Variants in OR2C1 observed in about 807,000 individuals in gnomAD.
OR2C1 encodes the protein olfactory receptor 2C1.
For synonymous variants in OR2C1, 209 were observed against 167.3 expected, an observed-to-expected ratio of 1.25 and a Z score of -1.92; for missense variants, 468 against 388.3, an observed-to-expected ratio of 1.21 and a Z score of -1.73.
the OR2C1 span, among the ~76,000 whole-genome samples, chr16:3,325,212 C>T: frequency 6.6e-6 from 1 of 151,968 alleles, no homozygotes; most frequent in Non-Finnish European, 1.5e-5. Context: ...GAACTCCTGG[C>T]CTCAACCGAT....
At chr16:3,355,473 G>A (rs1358776914), upstream of OR2C1, among the ~76,000 whole-genome samples, 263 of 25,534 alleles carry the variant, frequency 0.01, no homozygotes, top group South Asian at 0.012. Flanking sequence ...AAAAAAAAAA[G>A]CTTGCAATCT....
chr16:3,357,707 T>C (rs2030705806), downstream of OR2C1, among the ~76,000 whole-genome samples: 2 of 152,064 alleles, frequency 1.3e-5, no homozygotes, highest in Admixed American at 1.3e-4. Flanking sequence ...TACCACTGGG[T>C]GCAGTGGCTC....
At chr16:3,333,785 G>A in the OR2C1 span, among the ~76,000 whole-genome samples, 5 of 152,090 alleles carry the variant, frequency 3.3e-5, no homozygotes, top group South Asian at 2.1e-4. Flanking sequence ...CAATGTCCTG[G>A]AGCATTTTCC....
At chr16:3,329,370 C>T in the OR2C1 span, among the ~76,000 whole-genome samples, 6 of 151,586 alleles carry the variant, frequency 4.0e-5, no homozygotes, top group African/African-American at 7.3e-5. Flanking sequence ...AAGAACACCA[C>T]GAAAAGAGTT....
upstream of OR2C1, among the ~76,000 whole-genome samples, chr16:3,353,848 G>A (rs1243448067): frequency 6.6e-6 from 1 of 151,990 alleles, no homozygotes; most frequent in African/African-American, 2.4e-5. Flanking sequence ...GGGAAGGGCT[G>A]TGGTTTATGA....
At chr16:3,351,015 A>G (rs1353984985), upstream of OR2C1, among the ~76,000 whole-genome samples, 1 of 146,606 alleles carries the variant, frequency 6.8e-6, no homozygotes, top group East Asian at 2.0e-4. Flanking sequence ...AGCCTGGGTG[A>G]CACAGTGAGA....
At chr16:3,326,845 A>C in the OR2C1 span, among the ~76,000 whole-genome samples, 4 of 152,154 alleles carry the variant, frequency 2.6e-5, no homozygotes, top group Admixed American at 2.0e-4. Context: ...CTTAGGATGA[A>C]ATCAGCATCA....
chr16:3,345,446 A>C, the OR2C1 span, among the ~76,000 whole-genome samples: 1 of 151,960 alleles, frequency 6.6e-6, no homozygotes, highest in African/African-American at 2.4e-5. Context: ...AGATCGCAGC[A>C]CTGCACTCCA....
upstream of OR2C1, among the ~76,000 whole-genome samples, chr16:3,353,796 A>G (rs1035772905): frequency 1.3e-5 from 2 of 151,634 alleles, no homozygotes; most frequent in Non-Finnish European, 2.9e-5. Context: ...GCTAGACTCC[A>G]TCTCAAAAAA....
At chr16:3,343,395 C>G in the OR2C1 span, among the ~76,000 whole-genome samples, 1 of 152,130 alleles carries the variant, frequency 6.6e-6, no homozygotes, top group Non-Finnish European at 1.5e-5. Context: ...TGTCTAGCCT[C>G]TGTATTATTT....
In OR2C1 at chr16:3,356,004, C is replaced by T. The variant is rs1489833971; in HGVS notation, c.64C>T (p.Gln22Ter). ...FVLMGISDHP[Q>*]LEMIFFIAIL... Reference sequence around the variant, plus strand: ...TCTGATGGGCATATCAGACCATCCCCAGCTGGAGATGATCTTTTTTATAGC... The same window carrying T: ...TCTGATGGGCATATCAGACCATCCCTAGCTGGAGATGATCTTTTTTATAGC... The change falls in exon 1 of 1, where the codon CAG becomes TAG. Residue 22 changes from glutamine (Q) to a stop codon, truncating the protein, a stop_gained. Coordinates refer to ENST00000304936, the MANE Select transcript of OR2C1 (RefSeq NM_012368.3). LOFTEE classifies it low-confidence loss of function (END_TRUNC). The T allele has an allele frequency of 5.0e-6, 8 of 1,614,008 alleles. No individual in the cohort carries two copies. In the South Asian group the frequency reaches 8.8e-5, roughly 18 times the overall value.
upstream of OR2C1, among the ~76,000 whole-genome samples, chr16:3,351,226 CTTTTTTTTT>C (rs146153498): frequency 7.5e-5 from 1 of 13,272 alleles, no homozygotes; most frequent in Non-Finnish European, 2.2e-4. Context: ...TTTTCTTTTT[CTTTTTTTTT>C]TTTTTTTTTT....
the OR2C1 span, among the ~76,000 whole-genome samples, chr16:3,328,167 C>G: frequency 6.8e-6 from 1 of 147,612 alleles, no homozygotes; most frequent in African/African-American, 2.7e-5. Context: ...CACCCAGTGT[C>G]CTGATAGTCA....
the OR2C1 span, among the ~76,000 whole-genome samples, chr16:3,326,697 C>G: frequency 6.6e-6 from 1 of 152,164 alleles, no homozygotes; most frequent in African/African-American, 2.4e-5. Flanking sequence ...GACAATGGCT[C>G]AGGGTTAGGC....
chr16:3,356,992 T>C lies in OR2C1; in HGVS notation c.*113T>C. On this transcript the variant is annotated 3_prime_UTR_variant, in exon 1 of 1. Transcript: ENST00000304936. ...TAATTCCGGTAAAACCAAGGCATGT[T>C]CCTGACAGCCCTAAGCTGACAGCCC... 1.1e-6 allele frequency: 1 copy of C among 921,088 alleles called. No homozygotes were observed. Among genetic ancestry groups the C allele is most frequent in the Non-Finnish European group, 1.6e-6 (1 of 614,800 alleles). The allele number at this position is 921,088 out of a possible 1,614,324, so 57.1% of individuals were successfully genotyped here.
the OR2C1 span, among the ~76,000 whole-genome samples, chr16:3,345,940 C>G: frequency 5.0e-5 from 7 of 141,084 alleles, no homozygotes; most frequent in Non-Finnish European, 9.2e-5. Flanking sequence ...CTCAAGTGAT[C>G]CTCCTGCCTC....
the OR2C1 span, chr16:3,323,121 CAAAAA>C: frequency 1.9e-6 from 1 of 529,672 alleles, no homozygotes; most frequent in South Asian, 2.2e-5. Flanking sequence ...AAAAAAATCT[CAAAAA>C]AACAAAAACA....
At chr16:3,331,420 G>T in the OR2C1 span, among the ~76,000 whole-genome samples, 1 of 151,168 alleles carries the variant, frequency 6.6e-6, no homozygotes, top group African/African-American at 2.4e-5. Context: ...TTTTGGCTTT[G>T]GTTGCCATTG....
At chr16:3,337,490 G>A in the OR2C1 span, among the ~76,000 whole-genome samples, 1 of 152,032 alleles carries the variant, frequency 6.6e-6, no homozygotes, top group African/African-American at 2.4e-5. Context: ...TTTTAAAATA[G>A]CCTGTCTCTC....
Sources: gnomAD v4.1 joint callset for allele counts (sites outside exome capture counted in the v4.1 genomes callset) on GRCh38, gnomAD v4.1.1 for gene constraint, MANE v1.5 for transcripts, NCBI Gene and HGNC (gene_info 2026-07-23, HGNC 2026-07-21) for gene names.